THSD7B: variants seen among roughly 807,000 people sequenced by gnomAD.
THSD7B encodes thrombospondin type-1 domain-containing protein 7B.
A neutral mutation model predicts 213.6 loss-of-function variants in THSD7B; 138 were observed. The observed-to-expected ratio is 0.65, with a 90% CI of 0.56 to 0.74. The LOEUF (loss-of-function observed/expected upper bound fraction) is 0.74. THSD7B is among the 30% of genes least tolerant of loss of function. The pLI is 0.00. For synonymous variants in THSD7B, 742 were observed against 687.0 expected (o/e 1.08, Z -1.25); for missense variants, 1,931 against 1,991.5 (o/e 0.97, Z 0.58).
chr2:137,081,077 A>AT (rs1320061359), intron 3 of THSD7B, among the ~76,000 whole-genome samples: 4 of 152,014 alleles, frequency 2.6e-5, no homozygotes, highest in Non-Finnish European at 2.9e-5. Flanking sequence ...GCCAGTTTTA[A>AT]TTTTTTTATT....
chr2:137,070,686 A>G (rs1472659943), intron 3 of THSD7B, among the ~76,000 whole-genome samples: 2 of 151,908 alleles, frequency 1.3e-5, no homozygotes, highest in African/African-American at 2.4e-5. Context: ...AGCATTAGGT[A>G]TATCTCCTAA....
intron 14 of THSD7B, among the ~76,000 whole-genome samples, chr2:137,429,384 A>C (rs1022665831): frequency 6.6e-6 from 1 of 152,206 alleles, no homozygotes; most frequent in African/African-American, 2.4e-5. Flanking sequence ...ATTCAAAGGA[A>C]TAGTTGAATG....
intron 7 of THSD7B, among the ~76,000 whole-genome samples, chr2:137,182,580 C>G (rs768514369): frequency 3.3e-5 from 5 of 152,154 alleles, no homozygotes; most frequent in Non-Finnish European, 5.9e-5. Flanking sequence ...GTTTCCGCAT[C>G]CTGTATGAGA....
chr2:137,315,974 T>C (rs1179752449), intron 12 of THSD7B, among the ~76,000 whole-genome samples: 1 of 152,258 alleles, frequency 6.6e-6, no homozygotes, highest in East Asian at 1.9e-4. Context: ...TTAGATATCT[T>C]CTCTTCCCTG....
chr2:137,045,285 C>G (rs62171220), intron 2 of THSD7B, among the ~76,000 whole-genome samples: 13,814 of 152,106 alleles, frequency 0.091, 802 homozygotes, highest in East Asian at 0.24. Context: ...CATCACTACT[C>G]TTGCACTTTG....
chr2:137,413,086 A>C (rs1051867660), intron 14 of THSD7B, among the ~76,000 whole-genome samples: 5 of 152,152 alleles, frequency 3.3e-5, no homozygotes, highest in Admixed American at 6.5e-5. Context: ...AGCTATCTTT[A>C]TTTAAGATAT....
At chr2:137,641,866 C>G (rs1487941088) in intron 20 of THSD7B, among the ~76,000 whole-genome samples, 1 of 152,116 alleles carries the variant, frequency 6.6e-6, no homozygotes, top group African/African-American at 2.4e-5. Context: ...GAAATTGGTT[C>G]TAAACCTCTG....
At chr2:137,480,188 AC>A (rs1219607907) in intron 15 of THSD7B, among the ~76,000 whole-genome samples, 1 of 151,280 alleles carries the variant, frequency 6.6e-6, no homozygotes, top group Non-Finnish European at 1.5e-5. Context: ...CACTGTTTTG[AC>A]TCTTCTTTGT....
At chr2:137,170,134 T>C (rs925514573) in intron 6 of THSD7B, among the ~76,000 whole-genome samples, 2 of 152,164 alleles carry the variant, frequency 1.3e-5, no homozygotes, top group Non-Finnish European at 2.9e-5. Context: ...GGCTGGGACT[T>C]TGAGGCCCTA....
chr2:137,137,173 C>T (rs1679482222), intron 5 of THSD7B, among the ~76,000 whole-genome samples: 1 of 152,176 alleles, frequency 6.6e-6, no homozygotes, highest in Non-Finnish European at 1.5e-5. Flanking sequence ...AATTTACAAA[C>T]AGCAAAATGT....
rs569044922 is a variant in THSD7B at position 136,936,834 on chromosome 2, A to T, written c.139+54517A>T. ...AACCTATGGAAATAATTTTTTTTAA[A>T]AAAAGAAATGATAACATTTCTCCTT... On this transcript the variant is annotated intron_variant, in intron 2 of 27. Coordinates refer to ENST00000409968, the MANE Select transcript of THSD7B (RefSeq NM_001316349.2). Among the ~76,000 whole-genome samples the T allele has an allele frequency of 2.6e-3, 401 of 152,230 alleles. 3 individuals carry two copies. The highest frequency in any genetic ancestry group is 9.7e-3 in the South Asian group (47 of 4,824).
rs75085253 is a variant in THSD7B at position 137,264,618 on chromosome 2, C to G, written c.2267-7915C>G. The stretch of plus-strand genomic sequence containing the variant: ...AAGTTGTTTTCCCCTCATATTAATG[C>G]TCCTTTTTGAATAAATGCCAAGTCT... On this transcript the variant is annotated intron_variant, in intron 10 of 27. Transcript: ENST00000409968. 1.8e-3 allele frequency among the ~76,000 whole-genome samples: 270 copies of G among 152,080 alleles called. 2 individuals are homozygous for G. The highest frequency in any genetic ancestry group is 0.016 in the East Asian group (82 of 5,166).
At chr2:136,794,973 A>G (rs188705504) in intron 1 of THSD7B, among the ~76,000 whole-genome samples, 4 of 152,070 alleles carry the variant, frequency 2.6e-5, no homozygotes, top group East Asian at 1.9e-4. Context: ...TACTATAGCC[A>G]TACCTGCTTT....
chr2:137,379,439 C>T (rs1461221971), intron 12 of THSD7B, among the ~76,000 whole-genome samples: 2 of 152,098 alleles, frequency 1.3e-5, no homozygotes, highest in African/African-American at 4.8e-5. Flanking sequence ...GCATATATGT[C>T]AGCATGTAAT....
intron 3 of THSD7B, among the ~76,000 whole-genome samples, chr2:137,091,198 G>C (rs565599669): frequency 1.3e-5 from 2 of 152,158 alleles, no homozygotes; most frequent in African/African-American, 4.8e-5. Flanking sequence ...TGCTCTTACT[G>C]TTGGAGACTT....
chr2:137,008,659 A>G (rs16837821), intron 2 of THSD7B, among the ~76,000 whole-genome samples: 2,799 of 152,234 alleles, frequency 0.018, 112 homozygotes, highest in African/African-American at 0.064. Context: ...CCTATTTTCT[A>G]TAAGAGCTTA....
chr2:136,961,954 G>T (rs550223536), intron 2 of THSD7B, among the ~76,000 whole-genome samples: 10 of 152,226 alleles, frequency 6.6e-5, no homozygotes, highest in Non-Finnish European at 1.2e-4. Flanking sequence ...GGATGTATGA[G>T]TATGCTAGTT....
chr2:137,609,195 T>C (rs1682242434), intron 17 of THSD7B, among the ~76,000 whole-genome samples: 1 of 152,054 alleles, frequency 6.6e-6, no homozygotes, highest in Non-Finnish European at 1.5e-5. Flanking sequence ...GTCGAGTATC[T>C]CTAAAGCCCA....
chr2:136,847,182 T>G (rs1291830466), intron 1 of THSD7B, among the ~76,000 whole-genome samples: 1 of 152,162 alleles, frequency 6.6e-6, no homozygotes, highest in Non-Finnish European at 1.5e-5. Flanking sequence ...TAGAGAGGAC[T>G]CTGTTACTGG....
Sources: gnomAD v4.1 joint callset for allele counts (sites outside exome capture counted in the v4.1 genomes callset) on GRCh38, gnomAD v4.1.1 for gene constraint, MANE v1.5 for transcripts, NCBI Gene and HGNC (gene_info 2026-07-23, HGNC 2026-07-21) for gene names.